The following CFAP57 variants were observed in gnomAD, a reference collection of about 807,000 sequenced individuals.
CFAP57 encodes cilia- and flagella-associated protein 57.
A neutral mutation model predicts 146.8 loss-of-function variants in CFAP57; 116 were observed. That is an observed-to-expected ratio of 0.79 (90% CI 0.68 to 0.92). The LOEUF is 0.92. Ranked by LOEUF, CFAP57 falls within the 40% of genes least tolerant of loss-of-function variation. CFAP57 has a pLI of 0.00. For synonymous variants in CFAP57, 518 were observed against 552.8 expected (o/e 0.94, Z 0.88); for missense variants, 1,377 against 1,527.2 (o/e 0.90, Z 1.64).
rs759535133 is a variant in CFAP57 at position 43,181,754 on chromosome 1, G to A, written c.378G>A (p.Thr126=). The stretch of plus-strand genomic sequence containing the variant: ...ACTCCAAATACCTATTGGCTCAGAC[G>A]TCACCTCCAGAGTCAAATCTTGTCT... ...SPDSKYLLAQ[T]SPPESNLVYW... The change falls in exon 3 of 23, where the codon ACG becomes ACA. Residue 126 remains threonine (T), a synonymous_variant. Transcript: ENST00000372492. 32 of 1,614,000 alleles carry A rather than the reference G, an allele frequency of 2.0e-5. No homozygotes were observed. The highest frequency in any genetic ancestry group is 4.0e-5 in the African/African-American group (3 of 74,904).
At chr1:43,233,402 T>G (rs1401424664) in intron 19 of CFAP57, among the ~76,000 whole-genome samples, 1 of 151,944 alleles carries the variant, frequency 6.6e-6, no homozygotes, top group Non-Finnish European at 1.5e-5. Flanking sequence ...GGCAGGAGAA[T>G]TGCTTGAACC....
chr1:43,210,282 A>T, intron 11 of CFAP57: 1 of 1,445,288 alleles, frequency 6.9e-7, no homozygotes, highest in South Asian at 1.5e-5. Context: ...ATAGCCCTGA[A>T]GATTGGCCCC....
chr1:43,200,659 G>A (rs1042926522), intron 9 of CFAP57, among the ~76,000 whole-genome samples: 1 of 152,092 alleles, frequency 6.6e-6, no homozygotes, highest in African/African-American at 2.4e-5. Context: ...GAAAAGAGAG[G>A]CATTCTAGGC....
chr1:43,204,114 C>A (rs1451451323), intron 9 of CFAP57, among the ~76,000 whole-genome samples: 3 of 152,184 alleles, frequency 2.0e-5, no homozygotes, highest in Non-Finnish European at 4.4e-5. Flanking sequence ...TACTGTTGAG[C>A]CTTCCAGTGA....
In CFAP57 at chr1:43,234,288, T is replaced by G; in HGVS notation, c.3136T>G (p.Leu1046Val). The change falls in exon 20 of 23, where the codon TTG (leucine) becomes GTG (valine). Residue 1046 changes from leucine (L) to valine (V), a missense_variant. Leu to Val is a conservative substitution (Grantham distance 32). Transcript: ENST00000372492. The stretch of plus-strand genomic sequence containing the variant: ...ACGTCTCTGATTGCAGGAGCGAGAC[T>G]TGGAAGCGCTGGTCAAAAGGTTTAA... ...MRRERQKERD[L>V]EALVKRFKTD... is the part of the protein sequence containing the mutation. 1 of 1,543,924 alleles carries G rather than the reference T, an allele frequency of 6.5e-7. No individual in the cohort carries two copies. The highest frequency in any genetic ancestry group is 1.2e-5 in the South Asian group (1 of 83,558).
intron 6 of CFAP57, among the ~76,000 whole-genome samples, chr1:43,187,996 G>A (rs1032148692): frequency 1.3e-5 from 2 of 152,024 alleles, no homozygotes; most frequent in African/African-American, 4.8e-5. Flanking sequence ...TAGAGACAGG[G>A]TTTTGCCATG....
At chr1:43,225,131 G>A (rs536017758) in intron 17 of CFAP57, among the ~76,000 whole-genome samples, 26 of 152,192 alleles carry the variant, frequency 1.7e-4, no homozygotes, top group Admixed American at 1.6e-3. Context: ...CTCAAAGGGG[G>A]CTTTGACAAG....
intron 4 of CFAP57, 48 bp from the exon 5 acceptor site, chr1:43,185,098 TCTC>T (rs769465765): frequency 2.5e-6 from 4 of 1,593,150 alleles, no homozygotes; most frequent in South Asian, 1.1e-5. Flanking sequence ...GCAGAATTCA[TCTC>T]CTCAAGATTG....
intron 11 of CFAP57, among the ~76,000 whole-genome samples, chr1:43,213,873 C>T (rs1237655761): frequency 6.8e-6 from 1 of 146,926 alleles, no homozygotes; most frequent in Non-Finnish European, 1.5e-5. Flanking sequence ...AATGTCTATT[C>T]ATGTCCTTAG....
chr1:43,230,563 T>TG (rs2124601866), intron 18 of CFAP57, among the ~76,000 whole-genome samples: 1 of 152,226 alleles, frequency 6.6e-6, no homozygotes, highest in South Asian at 2.1e-4. Context: ...TTCAAATCCC[T>TG]GCTCCTGCAG....
chr1:43,234,531 G>A lies in CFAP57; in HGVS notation c.3298G>A (p.Glu1100Lys). 6.4e-7 allele frequency: 1 copy of A among 1,550,394 alleles called. No individual in the cohort carries two copies. The highest frequency in any genetic ancestry group is 8.7e-7 in the Non-Finnish European group (1 of 1,146,896). Residue 1100 changes from glutamate (E) to lysine (K), a missense_variant, in exon 21 of 23, where the codon GAG (glutamate) becomes AAG (lysine). Physicochemically the swap from Glu to Lys is moderately conservative, Grantham distance 56. Coordinates refer to ENST00000372492, the MANE Select transcript of CFAP57 (RefSeq NM_001378189.1). ...IAGLNTDLQQEYTRQREHLER... is the reference protein window; with the variant it reads ...IAGLNTDLQQKYTRQREHLER... Reference sequence around the variant, plus strand: ...AGGGCTGAACACAGACCTGCAGCAGGAGTACACCCGGCAGCGGGAGCACCT... The same window carrying A: ...AGGGCTGAACACAGACCTGCAGCAGAAGTACACCCGGCAGCGGGAGCACCT...
At chr1:43,183,143 G>T (rs909885700) in intron 3 of CFAP57, among the ~76,000 whole-genome samples, 1 of 152,224 alleles carries the variant, frequency 6.6e-6, no homozygotes, top group Non-Finnish European at 1.5e-5. Context: ...TGATCCCATT[G>T]TAAGTAGAGG....
chr1:43,172,440 G>A lies in CFAP57; in HGVS notation c.-33G>A, dbSNP rs1419464637. 45 of 1,549,314 alleles carry A rather than the reference G, an allele frequency of 2.9e-5. No homozygotes were observed. The Middle Eastern group carries it at 5.1e-4, about 17-fold the overall frequency. On this transcript the variant is annotated 5_prime_UTR_variant, in exon 1 of 23. Transcript: ENST00000372492. ...GATACATGCGTGGTCTGCTGACCCA[G>A]AGAGAAACGAAAGGTGGGAGGGGGT...
In CFAP57 at chr1:43,215,219, T is replaced by C. The variant is rs942852454; in HGVS notation, c.1930-36T>C. The C allele has an allele frequency of 4.5e-6, 7 of 1,550,402 alleles. No individual in the cohort carries two copies. In the African/African-American group the frequency reaches 9.6e-5, roughly 21 times the overall value. ...GCTCAGCCCTGGTCATCTGTGGCCT[T>C]GAAAGCTTCCTGGCCATGACCCTTT... On this transcript the variant is annotated intron_variant, in intron 11 of 22. Transcript: ENST00000372492.
intron 8 of CFAP57, 95 bp from the exon 9 acceptor site, chr1:43,199,295 G>T: frequency 8.5e-7 from 1 of 1,183,344 alleles, no homozygotes; most frequent in Non-Finnish European, 1.3e-6. Context: ...CGTAGTTTCA[G>T]TCTGAACTCG....
intron 22 of CFAP57, among the ~76,000 whole-genome samples, chr1:43,253,430 C>A (rs770072876): frequency 6.6e-6 from 1 of 152,126 alleles, no homozygotes; most frequent in Non-Finnish European, 1.5e-5. Flanking sequence ...TTCAGCCTTG[C>A]GGGGCAGGGG....
At position 43,234,233 on chromosome 1, in the gene CFAP57, A is replaced by C. The variant is rs1347320195; in HGVS notation, c.3127-46A>C. On this transcript the variant is annotated intron_variant, in intron 19 of 22. Transcript: ENST00000372492. The stretch of plus-strand genomic sequence containing the variant: ...CTCTGCCTGCAGCCCCCGCCCCTCC[A>C]CCGAGAGCACCCTACAGCACCAGAA... The C allele has an allele frequency of 6.7e-6, 10 of 1,482,542 alleles. No individual in the cohort carries two copies. The African/African-American group carries it at 1.0e-4, about 15-fold the overall frequency. The allele number at this position is 1,482,542 out of a possible 1,614,324, so 91.8% of individuals were successfully genotyped here. A position where few individuals can be genotyped will look rare whatever the true frequency, so the allele number is the denominator to read the frequency against.
In CFAP57 at chr1:43,175,304, T is replaced by C. The variant is rs1645127019; in HGVS notation, c.157+2394T>C. Among the ~76,000 whole-genome samples the C allele has an allele frequency of 2.0e-5, 3 of 151,970 alleles. No homozygotes were observed. In the South Asian group the frequency reaches 6.2e-4, roughly 31 times the overall value. On this transcript the variant is annotated intron_variant, in intron 2 of 22. Transcript: ENST00000372492. ...ATATATACACACACCATATACTATATGTACATGTATATATACATAGTATAT... is the reference window on the plus strand; with the variant it reads ...ATATATACACACACCATATACTATACGTACATGTATATATACATAGTATAT...
chr1:43,251,691 C>T (rs1646330409), intron 22 of CFAP57, among the ~76,000 whole-genome samples: 1 of 152,212 alleles, frequency 6.6e-6, no homozygotes, highest in South Asian at 2.1e-4. Flanking sequence ...TACTACATGG[C>T]TCAACTGTGA....
Sources: gnomAD v4.1 joint callset for allele counts (sites outside exome capture counted in the v4.1 genomes callset) on GRCh38, gnomAD v4.1.1 for gene constraint, MANE v1.5 for transcripts, NCBI Gene and HGNC (gene_info 2026-07-23, HGNC 2026-07-21) for gene names.